TENM2: variants seen among roughly 807,000 people sequenced by gnomAD.
TENM2 encodes the protein teneurin transmembrane protein 2, also known as teneurin-2.
A neutral mutation model predicts 245.2 loss-of-function variants in TENM2; 52 were observed. That is an observed-to-expected ratio of 0.21 (90% CI 0.17 to 0.27). The LOEUF (loss-of-function observed/expected upper bound fraction) is 0.27, where lower values mean the gene tolerates loss of function less well. TENM2 is among the 10% of genes least tolerant of loss of function. The probability of loss-of-function intolerance (pLI) is 1.00; values close to 1 mark genes in which losing one functional copy is unlikely to be tolerated. For synonymous variants in TENM2, 1,363 were observed against 1,438.9 expected, an observed-to-expected ratio of 0.95 and a Z score of 1.19; for missense variants, 3,046 against 3,666.8, an observed-to-expected ratio of 0.83 and a Z score of 4.37.
chr5:167,219,416 T>C, the TENM2 span, among the ~76,000 whole-genome samples: 1 of 152,186 alleles, frequency 6.6e-6, no homozygotes, highest in East Asian at 1.9e-4. Context: ...CCTTCTAGCC[T>C]CCCTGTTGAA....
chr5:167,387,645 G>T (rs1761517706), intron 2 of TENM2, among the ~76,000 whole-genome samples: 1 of 152,060 alleles, frequency 6.6e-6, no homozygotes, highest in South Asian at 2.1e-4. Context: ...TATTATGTTG[G>T]CTGGGGGTTT....
intron 2 of TENM2, among the ~76,000 whole-genome samples, chr5:167,421,835 C>G (rs1402286731): frequency 6.6e-6 from 1 of 152,162 alleles, no homozygotes; most frequent in Non-Finnish European, 1.5e-5. Flanking sequence ...CTCTGTCGCC[C>G]AGGCTGGAGT....
intron 2 of TENM2, among the ~76,000 whole-genome samples, chr5:167,598,863 T>C (rs1411003899): frequency 6.6e-6 from 1 of 152,162 alleles, no homozygotes; most frequent in East Asian, 1.9e-4. Context: ...ACAAGCATAA[T>C]TTATACCGCA....
chr5:167,162,386 G>A, the TENM2 span, among the ~76,000 whole-genome samples: 1 of 152,088 alleles, frequency 6.6e-6, no homozygotes, highest in Non-Finnish European at 1.5e-5. Context: ...CTGGCACCTT[G>A]GAAGGCCGAG....
chr5:167,192,320 G>C, the TENM2 span, among the ~76,000 whole-genome samples: 3 of 152,154 alleles, frequency 2.0e-5, no homozygotes, highest in African/African-American at 7.2e-5. Context: ...AAGAAATGAA[G>C]AACTCTCTAT....
At chr5:167,351,512 T>C (rs902196507) in intron 1 of TENM2, among the ~76,000 whole-genome samples, 8 of 152,204 alleles carry the variant, frequency 5.3e-5, no homozygotes, top group African/African-American at 1.9e-4. Context: ...TGACAGGGCA[T>C]AGCCACTTTG....
chr5:167,660,048 C>G (rs1755102822), intron 2 of TENM2: 1 of 152,096 alleles, frequency 6.6e-6, no homozygotes, highest in African/African-American at 2.4e-5. Context: ...AAAAATTTCT[C>G]TGACTTTACC....
chr5:167,944,647 A>T (rs1779465176), intron 3 of TENM2, among the ~76,000 whole-genome samples: 1 of 152,188 alleles, frequency 6.6e-6, no homozygotes, highest in Non-Finnish European at 1.5e-5. Context: ...CAGAGAGTAG[A>T]TTAACATTTG....
In TENM2 at chr5:168,244,772, GCTT is replaced by G. The variant is rs1581749072; in HGVS notation, c.5817+60_5817+62del. The G allele has an allele frequency of 1.5e-6, 2 of 1,352,302 alleles. No individual in the cohort carries two copies. The highest frequency in any genetic ancestry group is 5.4e-5 in the East Asian group (2 of 37,064). The allele number at this position is 1,352,302 out of a possible 1,614,324, so 83.8% of individuals were successfully genotyped here. On this transcript the variant is annotated intron_variant, in intron 26 of 28. Transcript: ENST00000518659. This position sits in a 1 kb window ranked among gnomAD's most constrained non-coding sequence, Gnocchi z 4.9. The stretch of plus-strand genomic sequence containing the variant: ...GCTTTCTGTTATTTCTGTTATTCCG[GCTT>G]CTTTTTTTTTTTGAGACAGAGACTT...
At chr5:167,246,442 A>G in the TENM2 span, among the ~76,000 whole-genome samples, 11 of 152,138 alleles carry the variant, frequency 7.2e-5, no homozygotes, top group South Asian at 2.1e-3. Flanking sequence ...GTATATATGT[A>G]TATGTATATA....
At chr5:167,788,038 T>C (rs1764701065) in intron 2 of TENM2, among the ~76,000 whole-genome samples, 1 of 152,218 alleles carries the variant, frequency 6.6e-6, no homozygotes, top group Non-Finnish European at 1.5e-5. Context: ...TGGCAATTAG[T>C]GGTGGATGGG....
At chr5:168,032,879 G>A (rs535492320) in intron 5 of TENM2, among the ~76,000 whole-genome samples, 1 of 152,124 alleles carries the variant, frequency 6.6e-6, no homozygotes, top group Non-Finnish European at 1.5e-5. Flanking sequence ...TGAGCAGAGA[G>A]TAATATTTAC....
At chr5:167,676,435 C>T (rs901431355) in intron 2 of TENM2, among the ~76,000 whole-genome samples, 2 of 152,066 alleles carry the variant, frequency 1.3e-5, no homozygotes, top group Admixed American at 6.6e-5. Flanking sequence ...CTCAATGCAC[C>T]TGCTCTTTAT....
chr5:168,095,056 C>T (rs893541311), intron 8 of TENM2, among the ~76,000 whole-genome samples: 14 of 151,788 alleles, frequency 9.2e-5, no homozygotes, highest in South Asian at 4.2e-4. Context: ...AAGCTCAGGG[C>T]GCCCACTGAT....
chr5:167,275,338 T>G, the TENM2 span, among the ~76,000 whole-genome samples: 1 of 152,112 alleles, frequency 6.6e-6, no homozygotes, highest in South Asian at 2.1e-4. Flanking sequence ...GTTTTAGCTA[T>G]TCCAGTTCTT....
intron 12 of TENM2, among the ~76,000 whole-genome samples, chr5:168,137,150 C>T (rs1271910462): frequency 1.3e-5 from 2 of 152,150 alleles, no homozygotes; most frequent in African/African-American, 4.8e-5. Context: ...GACGGAAAGC[C>T]CCACATAATT....
At chr5:167,170,443 C>G in the TENM2 span, among the ~76,000 whole-genome samples, 1 of 152,134 alleles carries the variant, frequency 6.6e-6, no homozygotes, top group Non-Finnish European at 1.5e-5. Flanking sequence ...AGTGTATAAA[C>G]TCTCTGGGAT....
At chr5:167,169,173 T>G in the TENM2 span, among the ~76,000 whole-genome samples, 1 of 152,258 alleles carries the variant, frequency 6.6e-6, no homozygotes, top group South Asian at 2.1e-4. Flanking sequence ...CCTTTGGTGC[T>G]TCCTCTGGTG....
intron 2 of TENM2, among the ~76,000 whole-genome samples, chr5:167,660,674 A>G (rs1755153600): frequency 6.6e-6 from 1 of 152,024 alleles, no homozygotes. Flanking sequence ...ACAGTAACTT[A>G]TCATTTTTTA....
Sources: allele counts gnomAD v4.1 joint callset (sites outside exome capture counted in the v4.1 genomes callset), GRCh38; gene constraint gnomAD v4.1.1; non-coding constraint Gnocchi (gnomAD v3.1); transcripts MANE v1.5; gene names NCBI Gene and HGNC (gene_info 2026-07-23, HGNC 2026-07-21).